CSMD1: variants seen among roughly 807,000 people sequenced by gnomAD.
CSMD1 encodes CUB and sushi domain-containing protein 1.
CSMD1 carries 213 observed loss-of-function variants against 417.5 expected under a neutral mutation model. The ratio of observed to expected loss-of-function variants is 0.51; its 90% CI spans 0.46 to 0.57. CSMD1 has a LOEUF of 0.57. Among genes scored for constraint, CSMD1 ranks in the 20% least tolerant of loss-of-function variants. The pLI, the probability that CSMD1 is intolerant of heterozygous loss-of-function variation, is 0.00. For synonymous variants in CSMD1, 2,862 were observed against 1,736.8 expected (o/e 1.65, Z -16.11); for missense variants, 6,923 against 4,529.7 (o/e 1.53, Z -15.17).
chr8:4,568,065 T>C (rs1227543180), intron 2 of CSMD1, among the ~76,000 whole-genome samples: 1 of 152,188 alleles, frequency 6.6e-6, no homozygotes, highest in Non-Finnish European at 1.5e-5. Context: ...CTGTAAAATG[T>C]GAATGCTTGG....
intron 26 of CSMD1, among the ~76,000 whole-genome samples, chr8:3,234,795 G>A (rs1240032792): frequency 6.6e-6 from 1 of 152,150 alleles, no homozygotes. Flanking sequence ...GAATCACAAG[G>A]CAATTGGCCA....
In CSMD1 at chr8:3,059,813, T is replaced by C. The variant is rs189362928; in HGVS notation, c.7475-7166A>G. Among the ~76,000 whole-genome samples, 4 of 152,134 alleles carry C rather than the reference T, an allele frequency of 2.6e-5. No homozygotes were observed. The East Asian group carries it at 7.8e-4, about 30-fold the overall frequency. ...GGTGTGGGAGTCACAGGAAAGACTT[T>C]ATGTGCAAGCAAGAGAGAGAAGTGA... On this transcript the variant is annotated intron_variant, in intron 49 of 69. Coordinates refer to ENST00000635120, the MANE Select transcript of CSMD1 (RefSeq NM_033225.6).
At position 4,776,016 on chromosome 8, in the gene CSMD1, G is replaced by A. The variant is rs73661124; in HGVS notation, c.86-138458C>T. Among the ~76,000 whole-genome samples, 762 of 152,186 alleles carry A rather than the reference G, an allele frequency of 5.0e-3. 3 individuals carry two copies. The highest frequency in any genetic ancestry group is 0.018 in the African/African-American group (739 of 41,510). ...TCAGAAATGCCAGCACAAAAATCCAGGACTTGAGGGCAGTTTGACAAATTA... is the reference window on the plus strand; with the variant it reads ...TCAGAAATGCCAGCACAAAAATCCAAGACTTGAGGGCAGTTTGACAAATTA... On this transcript the variant is annotated intron_variant, in intron 1 of 69. Transcript: ENST00000635120.
In CSMD1 at chr8:3,574,925, G is replaced by A. The variant is rs554920385; in HGVS notation, c.1344+20C>T. On this transcript the variant is annotated intron_variant, in intron 10 of 69. Transcript: ENST00000635120. ...GAGTGCTGTGTGCATTAACCACAGG[G>A]GTTGGAGGCGGAGCCTTACCTTGTC... 1.5e-4 allele frequency: 241 copies of A among 1,610,972 alleles called. 3 individuals are homozygous for A. In the South Asian group the frequency reaches 2.5e-3, roughly 17 times the overall value.
intron 2 of CSMD1, among the ~76,000 whole-genome samples, chr8:4,513,662 G>T (rs776725892): frequency 6.6e-6 from 1 of 152,198 alleles, no homozygotes; most frequent in South Asian, 2.1e-4. Flanking sequence ...CTTTGCACTT[G>T]TACTCATAAT....
chr8:3,732,380 G>C (rs1011699208), intron 6 of CSMD1, among the ~76,000 whole-genome samples: 1 of 152,082 alleles, frequency 6.6e-6, no homozygotes, highest in Non-Finnish European at 1.5e-5. Flanking sequence ...TTATTGTCAA[G>C]GACTTTTTCT....
chr8:4,173,051 C>T lies in CSMD1; in HGVS notation c.416-140952G>A, dbSNP rs143996055. Among the ~76,000 whole-genome samples the T allele has an allele frequency of 5.9e-4, 90 of 152,206 alleles. 1 individual carries two copies. The highest frequency in any genetic ancestry group is 2.0e-3 in the African/African-American group (83 of 41,508). ...AGCCCCTAATATTGCAAGAAATTTCCTGCCCAGCAATAAATAACTTCCATC... is the reference window on the plus strand; with the variant it reads ...AGCCCCTAATATTGCAAGAAATTTCTTGCCCAGCAATAAATAACTTCCATC... On this transcript the variant is annotated intron_variant, in intron 3 of 69. Coordinates refer to ENST00000635120, the MANE Select transcript of CSMD1 (RefSeq NM_033225.6).
At chr8:3,917,319 G>C (rs2129142227) in intron 5 of CSMD1, among the ~76,000 whole-genome samples, 1 of 152,180 alleles carries the variant, frequency 6.6e-6, no homozygotes, top group Admixed American at 6.6e-5. Context: ...GCAGACTCAG[G>C]AGTGAATGCT....
intron 37 of CSMD1, among the ~76,000 whole-genome samples, chr8:3,180,554 T>G (rs2129047328): frequency 6.6e-6 from 1 of 152,316 alleles, no homozygotes; most frequent in South Asian, 2.1e-4. Context: ...AACCTGAAAT[T>G]ATAGCAGTTA....
chr8:3,890,201 A>T (rs1366830369), intron 5 of CSMD1, among the ~76,000 whole-genome samples: 1 of 152,204 alleles, frequency 6.6e-6, no homozygotes, highest in Non-Finnish European at 1.5e-5. Context: ...CCTAAGAAGA[A>T]TACAATTTTA....
intron 1 of CSMD1, among the ~76,000 whole-genome samples, chr8:4,950,635 GT>G (rs1170703190): frequency 6.6e-6 from 1 of 152,122 alleles, no homozygotes; most frequent in Non-Finnish European, 1.5e-5. Context: ...GGTAATATTT[GT>G]CATTGTTTTA....
chr8:3,839,499 T>C (rs943426607), intron 5 of CSMD1, among the ~76,000 whole-genome samples: 24 of 59,134 alleles, frequency 4.1e-4, no homozygotes, highest in African/African-American at 1.1e-3. Flanking sequence ...TATATATTAA[T>C]ATATATATTT....
intron 7 of CSMD1, among the ~76,000 whole-genome samples, chr8:3,632,097 T>C (rs1796810344): frequency 6.6e-6 from 1 of 152,230 alleles, no homozygotes; most frequent in African/African-American, 2.4e-5. Flanking sequence ...GTTGCTTTTA[T>C]TACCAGAATA....
intron 5 of CSMD1, among the ~76,000 whole-genome samples, chr8:3,977,618 A>G (rs962298441): frequency 6.6e-6 from 1 of 152,226 alleles, no homozygotes. Flanking sequence ...GAGTGCTAAG[A>G]AGAGCATTGC....
intron 23 of CSMD1, among the ~76,000 whole-genome samples, chr8:3,313,555 C>CAATA (rs1183533850): frequency 1.3e-5 from 2 of 152,286 alleles, no homozygotes; most frequent in East Asian, 3.9e-4. Flanking sequence ...ATCAAAACCA[C>CAATA]AATAAGATAC....
chr8:4,595,922 G>A (rs1192899981), intron 2 of CSMD1, among the ~76,000 whole-genome samples: 1 of 152,006 alleles, frequency 6.6e-6, no homozygotes, highest in Non-Finnish European at 1.5e-5. Context: ...AGGCCTGACT[G>A]TAAATCTTGC....
intron 5 of CSMD1, among the ~76,000 whole-genome samples, chr8:3,831,312 A>G (rs960310599): frequency 6.6e-6 from 1 of 152,134 alleles, no homozygotes; most frequent in African/African-American, 2.4e-5. Flanking sequence ...GGCATGTTGC[A>G]TTTCGGACAG....
intron 11 of CSMD1, among the ~76,000 whole-genome samples, chr8:3,475,494 T>G (rs541388792): frequency 1.2e-3 from 181 of 152,330 alleles, no homozygotes; most frequent in Non-Finnish European, 2.0e-3. Context: ...GGCTTAACAT[T>G]TGGAGTTCTG....
intron 10 of CSMD1, among the ~76,000 whole-genome samples, chr8:3,520,039 T>TATATATATATATACATATATATATATAC (rs545212684): frequency 6.8e-6 from 1 of 147,110 alleles, no homozygotes; most frequent in Admixed American, 6.8e-5. Flanking sequence ...TATATATATA[T>TATATATATATATACATATATATATATAC]ACACGTATAG....
Sources: allele counts gnomAD v4.1 joint callset (sites outside exome capture counted in the v4.1 genomes callset), GRCh38; gene constraint gnomAD v4.1.1; transcripts MANE v1.5; gene names NCBI Gene and HGNC (gene_info 2026-07-23, HGNC 2026-07-21).